Variants in MAST2 observed in about 807,000 individuals in gnomAD.
MAST2 encodes microtubule associated serine/threonine kinase 2.
Under a neutral mutation model 147.4 loss-of-function variants are expected in MAST2, and 70 were observed. That is an observed-to-expected ratio of 0.47 (90% CI 0.39 to 0.58). The LOEUF is 0.58. Among genes scored for constraint, MAST2 ranks in the 20% least tolerant of loss-of-function variants. The pLI is 0.00. For synonymous variants in MAST2, 869 were observed against 896.8 expected, an observed-to-expected ratio of 0.97 and a Z score of 0.55; for missense variants, 2,080 against 2,302.3, an observed-to-expected ratio of 0.90 and a Z score of 1.98.
intron 4 of MAST2, among the ~76,000 whole-genome samples, chr1:45,935,102 TGTAA>T (rs1655987416): frequency 6.6e-6 from 1 of 152,230 alleles, no homozygotes; most frequent in African/African-American, 2.4e-5. Flanking sequence ...TTCTGGTTAG[TGTAA>T]AATGGTATCT....
chr1:45,943,048 A>C (rs1171564198), intron 4 of MAST2, among the ~76,000 whole-genome samples: 1 of 152,214 alleles, frequency 6.6e-6, no homozygotes, highest in African/African-American at 2.4e-5. Context: ...GAGAGAAGGA[A>C]ATTTGAGCTG....
At chr1:45,949,466 A>C (rs1473644310) in intron 4 of MAST2, among the ~76,000 whole-genome samples, 1 of 152,236 alleles carries the variant, frequency 6.6e-6, no homozygotes, top group Non-Finnish European at 1.5e-5. Flanking sequence ...ATAAGAAAAA[A>C]AGCTCAATAT....
intron 1 of MAST2, among the ~76,000 whole-genome samples, chr1:45,820,201 C>A (rs1321991496): frequency 5.3e-5 from 8 of 152,036 alleles, no homozygotes; most frequent in Non-Finnish European, 1.0e-4. Context: ...ATACAAAAAT[C>A]AAAAATGTAT....
chr1:45,903,410 A>AT (rs1030788366), intron 4 of MAST2, among the ~76,000 whole-genome samples: 19 of 152,242 alleles, frequency 1.2e-4, no homozygotes, highest in African/African-American at 4.6e-4. Flanking sequence ...GATTACAGGC[A>AT]TGAGCCACTG....
chr1:45,834,334 G>T lies in MAST2; in HGVS notation c.468+4753G>T, dbSNP rs547127514. ...AGGTTAGACTTGACCAGAGTCTGGA[G>T]AATAGATAAGCAAAAGCCTTAAAGT... is the stretch of plus-strand genomic sequence containing the variant. On this transcript the variant is annotated intron_variant, in intron 3 of 28. Coordinates refer to ENST00000361297, the MANE Select transcript of MAST2 (RefSeq NM_015112.3). 2.0e-4 allele frequency among the ~76,000 whole-genome samples: 30 copies of T among 152,248 alleles called. 2 individuals carry two copies. In the South Asian group the frequency reaches 6.2e-3, roughly 32 times the overall value.
chr1:46,023,336 G>T lies in MAST2; in HGVS notation c.1571+18G>T. 6.2e-7 allele frequency: 1 copy of T among 1,610,108 alleles called. No individual in the cohort carries two copies. Among genetic ancestry groups the T allele is most frequent in the Middle Eastern group, 1.7e-4 (1 of 5,896 alleles). ...GCCTATGGGTAAAGGCAGGGGTCAGGGTGTGGCCAGGACTGAAGCCGGGTC... is the reference window on the plus strand; with the variant it reads ...GCCTATGGGTAAAGGCAGGGGTCAGTGTGTGGCCAGGACTGAAGCCGGGTC... On this transcript the variant is annotated intron_variant, in intron 14 of 28. Coordinates refer to ENST00000361297, the MANE Select transcript of MAST2 (RefSeq NM_015112.3). The surrounding 1 kb of genome is among the most constrained non-coding windows in gnomAD (Gnocchi z 4.9).
intron 3 of MAST2, among the ~76,000 whole-genome samples, chr1:45,848,848 A>G (rs1300266518): frequency 6.6e-6 from 1 of 152,210 alleles, no homozygotes; most frequent in African/African-American, 2.4e-5. Context: ...TCTTGGCCCA[A>G]AAGCTCCTTC....
At chr1:45,998,532 C>T (rs1008204824) in intron 6 of MAST2, among the ~76,000 whole-genome samples, 33 of 152,174 alleles carry the variant, frequency 2.2e-4, no homozygotes, top group Non-Finnish European at 4.6e-4. Flanking sequence ...CACATGATTT[C>T]TTGTCAGAAC....
At chr1:46,021,131 A>G (rs1370225615) in intron 11 of MAST2, among the ~76,000 whole-genome samples, 1 of 152,206 alleles carries the variant, frequency 6.6e-6, no homozygotes, top group African/African-American at 2.4e-5. Context: ...AAGGAAGGAT[A>G]AGAAGTTAAA....
chr1:45,872,251 G>C (rs1646423866), intron 3 of MAST2, among the ~76,000 whole-genome samples: 1 of 152,280 alleles, frequency 6.6e-6, no homozygotes, highest in Admixed American at 6.5e-5. Context: ...CTCAGGCATA[G>C]ACAGCTTTGA....
At chr1:45,999,030 C>A (rs1314145814) in intron 6 of MAST2, among the ~76,000 whole-genome samples, 2 of 152,126 alleles carry the variant, frequency 1.3e-5, no homozygotes, top group Non-Finnish European at 2.9e-5. Context: ...CCGTGCCCGG[C>A]CTACTTAGAC....
intron 10 of MAST2, among the ~76,000 whole-genome samples, chr1:46,012,178 T>G (rs927614357): frequency 2.0e-5 from 3 of 152,212 alleles, no homozygotes; most frequent in African/African-American, 7.2e-5. Flanking sequence ...TGGAAAGGGG[T>G]ACCCCAGAGA....
chr1:46,030,837 A>G, intron 22 of MAST2, 76 bp downstream of exon 22: 1 of 1,485,990 alleles, frequency 6.7e-7, no homozygotes, highest in Non-Finnish European at 9.0e-7. Flanking sequence ...AGAGATTCCG[A>G]TGCCAGGGAG....
intron 4 of MAST2, among the ~76,000 whole-genome samples, chr1:45,900,398 C>T (rs1273865888): frequency 2.7e-5 from 4 of 146,838 alleles, no homozygotes; most frequent in Non-Finnish European, 6.1e-5. Context: ...AAGATGGTAT[C>T]TTATTGTGGT....
At chr1:45,964,412 A>C (rs961968616) in intron 5 of MAST2, among the ~76,000 whole-genome samples, 4 of 152,068 alleles carry the variant, frequency 2.6e-5, no homozygotes, top group Non-Finnish European at 5.9e-5. Context: ...TTGGTCTATT[A>C]AGAGATTCAA....
intron 3 of MAST2, among the ~76,000 whole-genome samples, chr1:45,830,191 T>TTC (rs1644912681): frequency 6.8e-6 from 1 of 147,858 alleles, no homozygotes; most frequent in East Asian, 2.0e-4. Context: ...CTTTTTTTTT[T>TTC]TTTTTTTTTG....
intron 3 of MAST2, 57 bp from the exon 4 acceptor site, chr1:45,882,307 G>T: frequency 8.4e-7 from 1 of 1,195,244 alleles, no homozygotes; most frequent in South Asian, 1.2e-5. Flanking sequence ...CATTTAGGTA[G>T]ACCAACAGGA....
chr1:45,838,839 C>T (rs989481623), intron 3 of MAST2, among the ~76,000 whole-genome samples: 3 of 152,174 alleles, frequency 2.0e-5, no homozygotes, highest in Admixed American at 1.3e-4. Context: ...ATATGAACTA[C>T]TTGAAGATAA....
chr1:45,955,615 C>T (rs1412713668), intron 4 of MAST2, among the ~76,000 whole-genome samples: 1 of 151,888 alleles, frequency 6.6e-6, no homozygotes, highest in Non-Finnish European at 1.5e-5. Context: ...TGAGCAAAGA[C>T]CTGAAGGAAG....
Sources: gnomAD v4.1 joint callset for allele counts (sites outside exome capture counted in the v4.1 genomes callset) on GRCh38, gnomAD v4.1.1 for gene constraint, Gnocchi (gnomAD v3.1) non-coding constraint, MANE v1.5 for transcripts, NCBI Gene and HGNC (gene_info 2026-07-23, HGNC 2026-07-21) for gene names.